The following CHD9 variants were observed in gnomAD, a reference collection of about 807,000 sequenced individuals.
The protein encoded by CHD9 is chromodomain helicase DNA binding protein 9.
Under a neutral mutation model 316.1 loss-of-function variants are expected in CHD9, and 77 were observed. The observed-to-expected ratio is 0.24, with a 90% CI of 0.20 to 0.29. The LOEUF (loss-of-function observed/expected upper bound fraction) is 0.29. Among genes scored for constraint, CHD9 ranks in the 10% least tolerant of loss-of-function variants. The probability of loss-of-function intolerance (pLI) is 1.00; values close to 1 mark genes in which losing one functional copy is unlikely to be tolerated. For synonymous variants in CHD9, 1,129 were observed against 1,158.3 expected, an observed-to-expected ratio of 0.97 and a Z score of 0.51; for missense variants, 2,763 against 3,438.1, an observed-to-expected ratio of 0.80 and a Z score of 4.91.
rs920513976 is a variant in CHD9 at position 53,317,038 on chromosome 16, A to T, written c.7585-1174A>T. On this transcript the variant is annotated intron_variant, in intron 36 of 38. Coordinates refer to ENST00000447540, the MANE Select transcript of CHD9 (RefSeq NM_001308319.2). ...ACATGGTACCCCATCTCTACTAAAAATACAAAAATCAGCTGGGCATGGTGG... is the reference window on the plus strand; with the variant it reads ...ACATGGTACCCCATCTCTACTAAAATTACAAAAATCAGCTGGGCATGGTGG... 2.5e-4 allele frequency among the ~76,000 whole-genome samples: 38 copies of T among 152,172 alleles called. 1 individual carries two copies. Among genetic ancestry groups the T allele is most frequent in the African/African-American group, 8.9e-4 (37 of 41,516 alleles).
chr16:53,314,023 A>G (rs193209833), intron 34 of CHD9, among the ~76,000 whole-genome samples: 4 of 152,240 alleles, frequency 2.6e-5, no homozygotes, highest in Admixed American at 2.6e-4. Context: ...GCAGAGATAA[A>G]TGATTTTTTT....
At chr16:53,117,048 G>A (rs1349824602) in intron 1 of CHD9, among the ~76,000 whole-genome samples, 1 of 152,086 alleles carries the variant, frequency 6.6e-6, no homozygotes, top group African/African-American at 2.4e-5. Flanking sequence ...ACAGGGAGAG[G>A]AACATCACAC....
chr16:53,254,095 T>G (rs2050358975), intron 17 of CHD9, among the ~76,000 whole-genome samples: 1 of 152,140 alleles, frequency 6.6e-6, no homozygotes, highest in Non-Finnish European at 1.5e-5. Flanking sequence ...GAGAATCACT[T>G]GAACCCAGGA....
In CHD9 at chr16:53,304,058, C is replaced by T; in HGVS notation, c.6052C>T (p.Gln2018Ter). Reference sequence around the variant, plus strand: ...AAGGACTTCTACCCCACTTCTACAGCAATATCAAGTAGCACTTTCTGCTTC... The same window carrying T: ...AAGGACTTCTACCCCACTTCTACAGTAATATCAAGTAGCACTTTCTGCTTC... ...HSRTSTPLLQQYQVALSASPL... is the reference protein window; with the variant it reads ...HSRTSTPLLQ Residue 2018 changes from glutamine (Q) to a stop codon, truncating the protein, a stop_gained, in exon 31 of 39, where the codon CAA becomes TAA. Transcript: ENST00000447540. LOFTEE classifies it high-confidence loss of function. 6.2e-7 allele frequency: 1 copy of T among 1,614,006 alleles called. No homozygotes were observed. Among genetic ancestry groups the T allele is most frequent in the Non-Finnish European group, 8.5e-7 (1 of 1,179,874 alleles).
intron 1 of CHD9, among the ~76,000 whole-genome samples, chr16:53,065,313 C>G (rs2033391802): frequency 6.6e-6 from 1 of 151,980 alleles, no homozygotes. Flanking sequence ...CCTACTGCTC[C>G]CTGGGCCAGC....
chr16:53,305,540 T>C (rs2055881936), intron 31 of CHD9, among the ~76,000 whole-genome samples: 1 of 152,232 alleles, frequency 6.6e-6, no homozygotes, highest in African/African-American at 2.4e-5. Context: ...TGAATATTTT[T>C]CCCAGGAACA....
Position 53,303,816 on chromosome 16 carries a change from A to G in CHD9, c.5810A>G (p.Gln1937Arg), listed in dbSNP as rs199568786. The change falls in exon 31 of 39, where the codon CAG becomes CGG. Residue 1937 changes from glutamine to arginine, a missense_variant. Gln to Arg is a conservative substitution (Grantham distance 43, BLOSUM62 1). Transcript: ENST00000447540. ...RIELLRKVREQALRHPQLFER... is the reference protein window; with the variant it reads ...RIELLRKVRERALRHPQLFER... ...GAACTTCTAAGGAAAGTACGGGAAC[A>G]GGCCCTTCGACATCCACAGTTGTTT... 2.0e-5 allele frequency: 32 copies of G among 1,613,932 alleles called. No homozygotes were observed. The African/African-American group carries it at 4.1e-4, about 21-fold the overall frequency.
At chr16:53,072,925 C>G (rs1235517639) in intron 1 of CHD9, among the ~76,000 whole-genome samples, 1 of 152,092 alleles carries the variant, frequency 6.6e-6, no homozygotes, top group African/African-American at 2.4e-5. Flanking sequence ...GAACTCCTTA[C>G]CTCAGGTGAT....
intron 30 of CHD9, among the ~76,000 whole-genome samples, chr16:53,303,183 T>G (rs950668095): frequency 3.2e-5 from 2 of 62,972 alleles, no homozygotes; most frequent in Non-Finnish European, 6.9e-5. Flanking sequence ...ATATTATGAG[T>G]TTTTTTTTTT....
intron 1 of CHD9, chr16:53,121,865 C>T (rs564489462): frequency 5.9e-5 from 9 of 152,918 alleles, no homozygotes; most frequent in African/African-American, 1.9e-4. Context: ...CTCCCAGGGG[C>T]TAATGTGGAG....
intron 2 of CHD9, among the ~76,000 whole-genome samples, chr16:53,180,042 T>G (rs2043376664): frequency 6.6e-6 from 1 of 151,046 alleles, no homozygotes; most frequent in African/African-American, 2.4e-5. Flanking sequence ...TTTTTTTTTT[T>G]TTGAGACTGA....
At chr16:53,211,141 GT>G (rs1184448441) in intron 3 of CHD9, among the ~76,000 whole-genome samples, 1 of 151,958 alleles carries the variant, frequency 6.6e-6, no homozygotes, top group African/African-American at 2.4e-5. Context: ...GAAGAGTAAC[GT>G]TTTGAAAAAC....
intron 1 of CHD9, among the ~76,000 whole-genome samples, chr16:53,089,835 A>G (rs1392025433): frequency 1.3e-5 from 2 of 152,246 alleles, no homozygotes; most frequent in African/African-American, 2.4e-5. Flanking sequence ...CTGGAAGGAA[A>G]GACACTGGCA....
At chr16:53,140,554 C>T (rs554480677) in intron 1 of CHD9, among the ~76,000 whole-genome samples, 2 of 152,228 alleles carry the variant, frequency 1.3e-5, no homozygotes, top group East Asian at 3.9e-4. Context: ...GCCCAAAATT[C>T]GTTACCCTCA....
At chr16:53,286,788 T>G (rs1436836706) in intron 26 of CHD9, among the ~76,000 whole-genome samples, 1 of 152,182 alleles carries the variant, frequency 6.6e-6, no homozygotes, top group Non-Finnish European at 1.5e-5. Flanking sequence ...TTGCATAGGA[T>G]TTGCATTTAA....
Position 53,226,360 on chromosome 16 carries a change from T to C in CHD9, c.1897-6T>C, listed in dbSNP as rs746033356. On this transcript the variant is annotated splice_polypyrimidine_tract_variant and splice_region_variant and intron_variant, in intron 4 of 38. Transcript: ENST00000447540. ...ATATAAATCTGATTCTTGTGGTTCA[T>C]TACAGAAAAGAAGATCAAATCGACA... is the stretch of plus-strand genomic sequence containing the variant. The C allele has an allele frequency of 6.5e-7, 1 of 1,537,494 alleles. No individual in the cohort carries two copies. The highest frequency in any genetic ancestry group is 1.2e-5 in the South Asian group (1 of 80,356).
intron 33 of CHD9, 66 bp downstream of exon 33, chr16:53,308,019 A>G (rs2056140948): frequency 5.1e-6 from 7 of 1,368,918 alleles, no homozygotes; most frequent in Non-Finnish European, 6.9e-6. Flanking sequence ...TTTTCCTGCA[A>G]ATGGCTGCCT....
chr16:53,203,530 T>C (rs2045625658), intron 2 of CHD9, among the ~76,000 whole-genome samples: 1 of 152,146 alleles, frequency 6.6e-6, no homozygotes, highest in Non-Finnish European at 1.5e-5. Flanking sequence ...ATCTTCTGTT[T>C]TATGTCCTCT....
intron 1 of CHD9, among the ~76,000 whole-genome samples, chr16:53,093,951 C>T (rs2036166958): frequency 6.6e-6 from 1 of 152,150 alleles, no homozygotes; most frequent in Non-Finnish European, 1.5e-5. Flanking sequence ...TTAGTTCTGT[C>T]CATGAAGTCT....
Sources: allele counts gnomAD v4.1 joint callset (sites outside exome capture counted in the v4.1 genomes callset), GRCh38; gene constraint gnomAD v4.1.1; transcripts MANE v1.5; gene names NCBI Gene and HGNC (gene_info 2026-07-23, HGNC 2026-07-21).